TUSC3: variants seen among roughly 807,000 people sequenced by gnomAD.
TUSC3 encodes tumor suppressor candidate 3.
TUSC3 carries 45 observed loss-of-function variants against 44.8 expected under a neutral mutation model. The ratio of observed to expected loss-of-function variants is 1.00; its 90% CI spans 0.79 to 1.29. The LOEUF (loss-of-function observed/expected upper bound fraction) is 1.29. Among genes scored for constraint, TUSC3 ranks in the 50% most tolerant of loss-of-function variants. The probability of loss-of-function intolerance (pLI) is 0.00; values close to 1 mark genes in which losing one functional copy is unlikely to be tolerated. For synonymous variants in TUSC3, 212 were observed against 152.9 expected, an observed-to-expected ratio of 1.39 and a Z score of -2.85; for missense variants, 519 against 437.9, an observed-to-expected ratio of 1.19 and a Z score of -1.65.
intron 1 of TUSC3, among the ~76,000 whole-genome samples, chr8:15,545,693 A>G (rs1223012664): frequency 6.6e-6 from 1 of 151,760 alleles, no homozygotes; most frequent in South Asian, 2.1e-4. Context: ...GCCCTCTTCC[A>G]CACATAGGGC....
intron 9 of TUSC3, 116 bp from the exon 10 acceptor site, chr8:15,757,675 C>A: frequency 7.6e-7 from 1 of 1,324,014 alleles, no homozygotes; most frequent in South Asian, 1.2e-5. Flanking sequence ...TATCCCCTGT[C>A]TTATCTAGAT....
chr8:15,634,308 C>T (rs1395072972), intron 2 of TUSC3, among the ~76,000 whole-genome samples: 1 of 152,170 alleles, frequency 6.6e-6, no homozygotes, highest in Non-Finnish European at 1.5e-5. Context: ...GTTCCTCCAA[C>T]TCAGTTTGAT....
intron 3 of TUSC3, among the ~76,000 whole-genome samples, chr8:15,657,675 T>C (rs899110017): frequency 1.3e-5 from 2 of 152,186 alleles, no homozygotes; most frequent in African/African-American, 4.8e-5. Context: ...AGGCTTTTTC[T>C]AGTATGCTCT....
chr8:15,584,467 G>T (rs566118090), intron 1 of TUSC3, among the ~76,000 whole-genome samples: 1 of 152,174 alleles, frequency 6.6e-6, no homozygotes, highest in Non-Finnish European at 1.5e-5. Flanking sequence ...GAATCTAAAG[G>T]TAAAGAAAGT....
chr8:15,788,270 T>G, the TUSC3 span, among the ~76,000 whole-genome samples: 1 of 152,138 alleles, frequency 6.6e-6, no homozygotes, highest in Non-Finnish European at 1.5e-5. Flanking sequence ...AGTACTTATT[T>G]AAGAGTTAAA....
At chr8:15,833,382 C>A in the TUSC3 span, among the ~76,000 whole-genome samples, 95 of 152,288 alleles carry the variant, frequency 6.2e-4, 1 homozygote, top group Non-Finnish European at 1.3e-3. Flanking sequence ...GAATATAAAT[C>A]ATTTTAACAT....
At chr8:15,470,417 A>C (rs1563259591) in intron 1 of TUSC3, among the ~76,000 whole-genome samples, 1 of 152,140 alleles carries the variant, frequency 6.6e-6, no homozygotes, top group Admixed American at 6.5e-5. Flanking sequence ...AATGTGGGTT[A>C]GTAATGTAAC....
At chr8:15,479,971 G>T (rs1406739704) in intron 1 of TUSC3, among the ~76,000 whole-genome samples, 1 of 152,094 alleles carries the variant, frequency 6.6e-6, no homozygotes, top group Non-Finnish European at 1.5e-5. Flanking sequence ...TACAAAATCA[G>T]TGCCCAGAAA....
chr8:15,543,397 G>C (rs1490888152), intron 1 of TUSC3, among the ~76,000 whole-genome samples: 1 of 152,138 alleles, frequency 6.6e-6, no homozygotes, highest in East Asian at 1.9e-4. Context: ...AGTTATGACA[G>C]TAATACCACC....
chr8:15,802,353 C>T, the TUSC3 span, among the ~76,000 whole-genome samples: 1 of 152,130 alleles, frequency 6.6e-6, no homozygotes, highest in Non-Finnish European at 1.5e-5. Context: ...GTAAATTACA[C>T]TGAGATTGAG....
chr8:15,617,270 GCTGGGA>G (rs1805036111), intron 1 of TUSC3, among the ~76,000 whole-genome samples: 2 of 151,508 alleles, frequency 1.3e-5, no homozygotes, highest in Non-Finnish European at 2.9e-5. Context: ...CTCCTGAGTA[GCTGGGA>G]CTGCAGGTTC....
At chr8:15,730,148 C>A (rs1176134557) in intron 6 of TUSC3, among the ~76,000 whole-genome samples, 1 of 151,968 alleles carries the variant, frequency 6.6e-6, no homozygotes, top group African/African-American at 2.4e-5. Context: ...CAACTGTTAT[C>A]AACTATATAC....
intron 2 of TUSC3, among the ~76,000 whole-genome samples, chr8:15,526,179 C>A (rs551090639): frequency 3.9e-5 from 6 of 152,098 alleles, no homozygotes; most frequent in African/African-American, 1.4e-4. Flanking sequence ...ACTACAGGCG[C>A]CCGCCATCAC....
At chr8:15,745,568 T>G (rs910758014) in intron 8 of TUSC3, among the ~76,000 whole-genome samples, 2 of 152,080 alleles carry the variant, frequency 1.3e-5, no homozygotes, top group African/African-American at 4.8e-5. Context: ...TAATGAACAT[T>G]TTTTCATATG....
intron 6 of TUSC3, among the ~76,000 whole-genome samples, chr8:15,727,055 T>G (rs1461168384): frequency 2.6e-5 from 4 of 152,124 alleles, no homozygotes; most frequent in Admixed American, 6.5e-5. Flanking sequence ...TAGTAAAATA[T>G]CAGAGAGGAA....
At chr8:15,655,432 A>G (rs1285380857) in intron 3 of TUSC3, among the ~76,000 whole-genome samples, 4 of 152,224 alleles carry the variant, frequency 2.6e-5, no homozygotes, top group Non-Finnish European at 5.9e-5. Flanking sequence ...CTGGCAAGCC[A>G]CTGTGCAGGC....
At chr8:15,535,853 A>G (rs1032660705), upstream of TUSC3, among the ~76,000 whole-genome samples, 8 of 152,168 alleles carry the variant, frequency 5.3e-5, no homozygotes, top group Non-Finnish European at 1.2e-4. Context: ...TGACCTGAAT[A>G]AAGTGATGAA....
At position 15,765,864 on chromosome 8, in the gene TUSC3, C is replaced by T. The variant is rs956226431; in HGVS notation, c.*1708C>T. On this transcript the variant is annotated 3_prime_UTR_variant, in exon 11 of 11. Coordinates refer to ENST00000503731, the MANE Select transcript of TUSC3 (RefSeq NM_006765.4). ...TTACTCAAAACTTCATACATAGAGACTCTCAGGTCAAATTTTACAAGTATT... is the reference window on the plus strand; with the variant it reads ...TTACTCAAAACTTCATACATAGAGATTCTCAGGTCAAATTTTACAAGTATT... 3 of 151,972 alleles carry T rather than the reference C, an allele frequency of 2.0e-5. No individual in the cohort carries two copies. The highest frequency in any genetic ancestry group is 2.0e-4 in the Admixed American group (3 of 15,228). The allele number at this position is 151,972 out of a possible 1,614,324, so 9.4% of individuals were successfully genotyped here. A position where few individuals can be genotyped will look rare whatever the true frequency, so the allele number is the denominator to read the frequency against.
chr8:15,627,961 CCA>C (rs1218369315), intron 2 of TUSC3, among the ~76,000 whole-genome samples: 20 of 152,182 alleles, frequency 1.3e-4, no homozygotes, highest in African/African-American at 4.6e-4. Flanking sequence ...GTGCCACTGG[CCA>C]CAGAGGTTTC....
Sources: allele counts gnomAD v4.1 joint callset (sites outside exome capture counted in the v4.1 genomes callset), GRCh38; gene constraint gnomAD v4.1.1; transcripts MANE v1.5; gene names NCBI Gene and HGNC (gene_info 2026-07-23, HGNC 2026-07-21).